The following SGCZ variants were observed in gnomAD, a reference collection of about 807,000 sequenced individuals.
SGCZ encodes zeta-sarcoglycan.
Under a neutral mutation model 41.3 loss-of-function variants are expected in SGCZ, and 40 were observed. That is an observed-to-expected ratio of 0.97 (90% confidence interval 0.75 to 1.26). The LOEUF is 1.26. Among genes scored for constraint, SGCZ ranks in the 50% most tolerant of loss-of-function variants. The pLI, the probability that SGCZ is intolerant of heterozygous loss-of-function variation, is 0.00. For missense variants in SGCZ, 552 were observed against 369.8 expected (o/e 1.49, Z -4.04); for synonymous variants, 206 against 137.5 (o/e 1.50, Z -3.49).
intron 1 of SGCZ, among the ~76,000 whole-genome samples, chr8:14,563,812 C>G (rs896587937): frequency 2.6e-5 from 4 of 152,108 alleles, no homozygotes; most frequent in African/African-American, 9.7e-5. Flanking sequence ...CAAATTTTAT[C>G]ACTAAGTAGT....
chr8:14,238,944 G>C (rs1324695241), intron 3 of SGCZ, among the ~76,000 whole-genome samples: 1 of 151,366 alleles, frequency 6.6e-6, no homozygotes, highest in Non-Finnish European at 1.5e-5. Context: ...TTAGGATTTG[G>C]AATTGGTGAT....
chr8:15,036,352 CA>C (rs981684494), intron 1 of SGCZ, among the ~76,000 whole-genome samples: 16 of 152,104 alleles, frequency 1.1e-4, no homozygotes, highest in African/African-American at 3.9e-4. Flanking sequence ...AAATGTCTCT[CA>C]TTGAACACAT....
chr8:14,218,891 G>C (rs1048310057), intron 4 of SGCZ, among the ~76,000 whole-genome samples: 1 of 152,158 alleles, frequency 6.6e-6, no homozygotes, highest in African/African-American at 2.4e-5. Context: ...AGCCATTGAA[G>C]TCTACGACCA....
At chr8:14,661,380 G>A (rs1807746256) in intron 1 of SGCZ, among the ~76,000 whole-genome samples, 1 of 152,066 alleles carries the variant, frequency 6.6e-6, no homozygotes, top group African/African-American at 2.4e-5. Flanking sequence ...TGTTGTTAAG[G>A]TTACAGAGTT....
rs114543380 is a variant in SGCZ, at chr8:14,837,014, C to A, written c.40-282088G>T. 6.2e-3 allele frequency among the ~76,000 whole-genome samples: 943 copies of A among 152,158 alleles called. 11 individuals carry two copies. Among genetic ancestry groups the A allele is most frequent in the African/African-American group, 0.021 (884 of 41,510 alleles). On this transcript the variant is annotated intron_variant, in intron 1 of 7. Coordinates refer to ENST00000382080, the MANE Select transcript of SGCZ (RefSeq NM_139167.4). Reference sequence around the variant, plus strand: ...TACTCAAAGAATTTATAGTTATTTTCTTCTTTAAAAATAATTATGCCCTCC... The same window carrying A: ...TACTCAAAGAATTTATAGTTATTTTATTCTTTAAAAATAATTATGCCCTCC...
At chr8:14,548,414 A>T (rs1013221448) in intron 2 of SGCZ, among the ~76,000 whole-genome samples, 1 of 152,190 alleles carries the variant, frequency 6.6e-6, no homozygotes, top group Non-Finnish European at 1.5e-5. Context: ...TTATGAATAT[A>T]AAAATGAATT....
chr8:15,136,327 G>T (rs150098381), intron 1 of SGCZ, among the ~76,000 whole-genome samples: 1 of 152,144 alleles, frequency 6.6e-6, no homozygotes, highest in African/African-American at 2.4e-5. Flanking sequence ...CCATGAGATG[G>T]CATTCTAGTG....
At chr8:14,609,633 A>T (rs991198071) in intron 1 of SGCZ, among the ~76,000 whole-genome samples, 5 of 152,186 alleles carry the variant, frequency 3.3e-5, no homozygotes, top group African/African-American at 9.6e-5. Flanking sequence ...TTTTTGACAC[A>T]TCATTCTAAA....
At chr8:14,268,993 G>A (rs576114975) in intron 3 of SGCZ, among the ~76,000 whole-genome samples, 2 of 151,538 alleles carry the variant, frequency 1.3e-5, no homozygotes, top group African/African-American at 2.4e-5. Flanking sequence ...CCTGTAAATA[G>A]AAAATAGAAG....
At chr8:15,105,494 GGAGA>G (rs142403012) in intron 1 of SGCZ, among the ~76,000 whole-genome samples, 2 of 150,836 alleles carry the variant, frequency 1.3e-5, no homozygotes, top group Non-Finnish European at 3.0e-5. Flanking sequence ...TGGTGGAGCA[GGAGA>G]GAGAGAGAGA....
intron 2 of SGCZ, among the ~76,000 whole-genome samples, chr8:14,551,480 T>TAATATATATATTATATATAA (rs773471657): frequency 7.1e-5 from 1 of 14,106 alleles, no homozygotes; most frequent in Non-Finnish European, 1.2e-4. Flanking sequence ...ATATTATATA[T>TAATATATATATTATATATAA]TATATATATT....
chr8:14,615,435 C>T (rs922695732), intron 1 of SGCZ, among the ~76,000 whole-genome samples: 1 of 152,184 alleles, frequency 6.6e-6, no homozygotes, highest in Non-Finnish European at 1.5e-5. Flanking sequence ...TCTCTGAACC[C>T]CTTCTGCTTC....
At chr8:14,660,319 C>A (rs1291558953) in intron 1 of SGCZ, among the ~76,000 whole-genome samples, 1 of 152,036 alleles carries the variant, frequency 6.6e-6, no homozygotes, top group East Asian at 1.9e-4. Flanking sequence ...TGCCCATAAT[C>A]CTAGCACTTT....
intron 2 of SGCZ, among the ~76,000 whole-genome samples, chr8:14,551,116 CT>C (rs75142255): frequency 0.01 from 1,408 of 137,494 alleles, 19 homozygotes; most frequent in African/African-American, 0.024. Flanking sequence ...TATTGTAATT[CT>C]TTTTTTTTTT....
chr8:14,149,169 C>A (rs1803618692), intron 5 of SGCZ, among the ~76,000 whole-genome samples: 1 of 152,038 alleles, frequency 6.6e-6, no homozygotes, highest in African/African-American at 2.4e-5. Context: ...CACCATAGTA[C>A]TGGAAGTACT....
At chr8:14,106,982 C>G (rs1802222505) in intron 6 of SGCZ, among the ~76,000 whole-genome samples, 1 of 151,964 alleles carries the variant, frequency 6.6e-6, no homozygotes, top group Non-Finnish European at 1.5e-5. Flanking sequence ...TTTGGGAGGC[C>G]GAGGAGGGCG....
At chr8:14,380,216 T>G (rs1804307603) in intron 2 of SGCZ, among the ~76,000 whole-genome samples, 1 of 152,198 alleles carries the variant, frequency 6.6e-6, no homozygotes, top group Non-Finnish European at 1.5e-5. Flanking sequence ...TTGTGAATAT[T>G]TTTTCAGTCT....
intron 1 of SGCZ, among the ~76,000 whole-genome samples, chr8:14,939,784 T>G (rs1365843321): frequency 6.6e-6 from 1 of 152,104 alleles, no homozygotes; most frequent in Non-Finnish European, 1.5e-5. Flanking sequence ...AAGCAGCTTC[T>G]ACAATTTCCA....
chr8:14,826,526 T>A (rs931717775), intron 1 of SGCZ, among the ~76,000 whole-genome samples: 2 of 152,142 alleles, frequency 1.3e-5, no homozygotes, highest in Non-Finnish European at 2.9e-5. Flanking sequence ...TCCACAATGG[T>A]TGAACTAGTT....
Sources: allele counts gnomAD v4.1 joint callset (sites outside exome capture counted in the v4.1 genomes callset), GRCh38; gene constraint gnomAD v4.1.1; transcripts MANE v1.5; gene names NCBI Gene and HGNC (gene_info 2026-07-23, HGNC 2026-07-21).